ENOX1: variants seen among roughly 807,000 people sequenced by gnomAD.
ENOX1 encodes the protein candidate growth-related and time keeping constitutive hydroquinone (NADH) oxidase.
A neutral mutation model predicts 82.5 loss-of-function variants in ENOX1; 42 were observed. The observed-to-expected ratio is 0.51, with a 90% CI of 0.40 to 0.66. ENOX1 has a LOEUF of 0.66. Ranked by LOEUF, ENOX1 falls within the 30% of genes least tolerant of loss-of-function variation. The pLI is 0.00. For synonymous variants in ENOX1, 271 were observed against 282.2 expected, an observed-to-expected ratio of 0.96 and a Z score of 0.40; for missense variants, 608 against 811.6, an observed-to-expected ratio of 0.75 and a Z score of 3.05.
At chr13:43,719,783 G>A (rs901233962) in intron 1 of ENOX1, among the ~76,000 whole-genome samples, 1 of 152,074 alleles carries the variant, frequency 6.6e-6, no homozygotes, top group Admixed American at 6.5e-5. Flanking sequence ...TTGCCTAAGG[G>A]GCCATGCCTG....
intron 1 of ENOX1, among the ~76,000 whole-genome samples, chr13:43,720,701 G>A (rs1469713094): frequency 6.6e-6 from 1 of 152,210 alleles, no homozygotes; most frequent in Non-Finnish European, 1.5e-5. Flanking sequence ...CACGAGCAGA[G>A]GGGTATGCAC....
intron 16 of ENOX1, among the ~76,000 whole-genome samples, chr13:43,219,258 T>A (rs755082026): frequency 6.6e-6 from 1 of 152,184 alleles, no homozygotes; most frequent in South Asian, 2.1e-4. Context: ...GAGTGACGCA[T>A]TCCCTCACTC....
intron 3 of ENOX1, among the ~76,000 whole-genome samples, chr13:43,470,307 C>CGTGT (rs1555289835): frequency 2.4e-5 from 1 of 42,492 alleles, no homozygotes; most frequent in Non-Finnish European, 6.2e-5. Context: ...CATATATATA[C>CGTGT]ATATATATAC....
chr13:43,491,505 A>G (rs1217678503), intron 2 of ENOX1, among the ~76,000 whole-genome samples: 1 of 152,230 alleles, frequency 6.6e-6, no homozygotes, highest in African/African-American at 2.4e-5. Flanking sequence ...ACTGTGGCTC[A>G]TGCCTGTAAT....
At chr13:43,474,682 G>A (rs1286872564) in intron 3 of ENOX1, among the ~76,000 whole-genome samples, 1 of 152,116 alleles carries the variant, frequency 6.6e-6, no homozygotes, top group African/African-American at 2.4e-5. Flanking sequence ...CTATTTCAAA[G>A]TTTGATGAAT....
chr13:43,256,336 A>C lies in ENOX1; in HGVS notation c.1611+9062T>G, dbSNP rs147414338. ...ATCAAGCTAAAAAGTATTTGCACAG[A>C]AAGGGAAACAATCAACAAACTGAAG... On this transcript the variant is annotated intron_variant, in intron 14 of 16. Transcript: ENST00000690772. Among the ~76,000 whole-genome samples, 269 of 152,242 alleles carry C rather than the reference A, an allele frequency of 1.8e-3. 1 individual carries two copies. Among genetic ancestry groups the C allele is most frequent in the African/African-American group, 6.3e-3 (261 of 41,558 alleles).
At chr13:43,394,117 A>G (rs1038026838) in intron 5 of ENOX1, among the ~76,000 whole-genome samples, 8 of 152,216 alleles carry the variant, frequency 5.3e-5, no homozygotes, top group Non-Finnish European at 7.3e-5. Flanking sequence ...ACAAATGAAC[A>G]TCTTTTCTTT....
At chr13:43,242,053 T>G (rs1159240361) in intron 14 of ENOX1, among the ~76,000 whole-genome samples, 1 of 152,228 alleles carries the variant, frequency 6.6e-6, no homozygotes, top group Non-Finnish European at 1.5e-5. Context: ...CAAAGCTTCT[T>G]GAATACATGT....
intron 5 of ENOX1, among the ~76,000 whole-genome samples, chr13:43,370,609 A>G (rs1195370314): frequency 6.6e-6 from 1 of 152,084 alleles, no homozygotes; most frequent in African/African-American, 2.4e-5. Context: ...TGCTTACAGG[A>G]TTCTGGGCAT....
At chr13:43,707,631 G>T (rs9562507) in intron 1 of ENOX1, among the ~76,000 whole-genome samples, 46,472 of 150,522 alleles carry the variant, frequency 0.31, 7,716 homozygotes, top group East Asian at 0.48. Context: ...TACTCGGGAG[G>T]CTGAGGCAGG....
At chr13:43,364,964 A>G (rs2050755176) in intron 5 of ENOX1, among the ~76,000 whole-genome samples, 1 of 152,174 alleles carries the variant, frequency 6.6e-6, no homozygotes. Context: ...CAGTGTGGCC[A>G]CAATGTCTGG....
chr13:43,464,342 A>C (rs1566288148), intron 3 of ENOX1, among the ~76,000 whole-genome samples: 2 of 152,162 alleles, frequency 1.3e-5, no homozygotes, highest in Admixed American at 1.3e-4. Flanking sequence ...TAAGAATATG[A>C]AGGGCCCCAG....
chr13:43,655,479 TTCCTTC>T (rs1299710144), intron 2 of ENOX1, among the ~76,000 whole-genome samples: 3 of 152,070 alleles, frequency 2.0e-5, no homozygotes, highest in African/African-American at 7.2e-5. Flanking sequence ...TCAAGTCAAA[TTCCTTC>T]TCCTTCTCAC....
At chr13:43,396,119 T>C (rs1447890126) in intron 5 of ENOX1, among the ~76,000 whole-genome samples, 2 of 152,224 alleles carry the variant, frequency 1.3e-5, no homozygotes, top group African/African-American at 2.4e-5. Context: ...TCTAAATTAC[T>C]ATTCATTTTC....
At chr13:43,607,490 G>A (rs1420416467) in intron 2 of ENOX1, among the ~76,000 whole-genome samples, 1 of 152,084 alleles carries the variant, frequency 6.6e-6, no homozygotes, top group Non-Finnish European at 1.5e-5. Context: ...CACATTCATG[G>A]GAGCAAAGCT....
chr13:43,416,508 C>T (rs1258441458), intron 3 of ENOX1, among the ~76,000 whole-genome samples: 123 of 146,182 alleles, frequency 8.4e-4, no homozygotes, highest in Admixed American at 1.7e-3. Context: ...GATGGGTGGC[C>T]GGGCAGAGGC....
chr13:43,465,211 A>T (rs1409496287), intron 3 of ENOX1, among the ~76,000 whole-genome samples: 1 of 152,196 alleles, frequency 6.6e-6, no homozygotes, highest in Non-Finnish European at 1.5e-5. Context: ...CTGAAGGTGG[A>T]TATATCTACC....
chr13:43,693,756 C>T (rs1323032505), intron 1 of ENOX1, among the ~76,000 whole-genome samples: 1 of 152,034 alleles, frequency 6.6e-6, no homozygotes, highest in Non-Finnish European at 1.5e-5. Context: ...CTCATATGAA[C>T]AATAATCATG....
At chr13:43,710,047 T>C (rs938664828) in intron 1 of ENOX1, among the ~76,000 whole-genome samples, 1 of 151,938 alleles carries the variant, frequency 6.6e-6, no homozygotes, top group African/African-American at 2.4e-5. Context: ...CAAAACCTAA[T>C]AAGGACAATG....
Sources: allele counts gnomAD v4.1 joint callset (sites outside exome capture counted in the v4.1 genomes callset), GRCh38; gene constraint gnomAD v4.1.1; transcripts MANE v1.5; gene names NCBI Gene and HGNC (gene_info 2026-07-23, HGNC 2026-07-21).